Variants in CFAP70 observed in about 807,000 individuals in gnomAD.
The protein encoded by CFAP70 is cilia- and flagella-associated protein 70.
CFAP70 carries 81 observed loss-of-function variants against 137.6 expected under a neutral mutation model. The ratio of observed to expected loss-of-function variants is 0.59; its 90% CI spans 0.49 to 0.71. CFAP70 has a LOEUF of 0.71. Ranked by LOEUF, CFAP70 falls within the 30% of genes least tolerant of loss-of-function variation. CFAP70 has a pLI of 0.00. For synonymous variants in CFAP70, 382 were observed against 423.6 expected (o/e 0.90, Z 1.20); for missense variants, 976 against 1,226.7 (o/e 0.80, Z 3.05).
At chr10:73,310,047 C>G in intron 12 of CFAP70, 111 bp downstream of exon 13, 1 of 609,352 alleles carries the variant, frequency 1.6e-6, no homozygotes. Flanking sequence ...TAGAAAAAAA[C>G]CAGATAACTC....
intron 19 of CFAP70, among the ~76,000 whole-genome samples, chr10:73,284,784 AT>A (rs2047545409): frequency 5.2e-5 from 3 of 57,612 alleles, no homozygotes; most frequent in Non-Finnish European, 6.5e-5. Context: ...ATATATATAT[AT>A]ATATATATAT....
chr10:73,337,515 G>C (rs1047430593), intron 6 of CFAP70, among the ~76,000 whole-genome samples: 1 of 151,962 alleles, frequency 6.6e-6, no homozygotes, highest in African/African-American at 2.4e-5. Context: ...AATACCTTGA[G>C]ATAAAGGAAA....
At chr10:73,300,118 G>A (rs1357971236) in intron 12 of CFAP70, among the ~76,000 whole-genome samples, 2 of 152,130 alleles carry the variant, frequency 1.3e-5, no homozygotes, top group Non-Finnish European at 2.9e-5. Context: ...CAATAAAAGT[G>A]TACTCTTGGC....
intron 2 of CFAP70, 127 bp downstream of exon 2, chr10:73,354,607 A>G (rs1258475815): frequency 1.4e-6 from 1 of 730,302 alleles, no homozygotes; most frequent in African/African-American, 1.8e-5. Context: ...AATAAGGAAC[A>G]CTGAGGCGGA....
chr10:73,340,411 G>A (rs982363793), intron 6 of CFAP70, among the ~76,000 whole-genome samples: 10 of 152,228 alleles, frequency 6.6e-5, no homozygotes, highest in Admixed American at 1.3e-4. Flanking sequence ...ACTGATCCAT[G>A]GGAGGCCATG....
chr10:73,352,084 G>C (rs1407248949), intron 3 of CFAP70, among the ~76,000 whole-genome samples: 1 of 152,184 alleles, frequency 6.6e-6, no homozygotes, highest in East Asian at 1.9e-4. Context: ...TGAAAGTTCT[G>C]ACTCTAAACT....
At chr10:73,278,010 C>G (rs957648757) in intron 20 of CFAP70, among the ~76,000 whole-genome samples, 169 bp downstream of exon 21, 14 of 152,208 alleles carry the variant, frequency 9.2e-5, no homozygotes, top group Non-Finnish European at 1.8e-4. Context: ...CTTCTGTGAG[C>G]TAAATATAAA....
intron 19 of CFAP70, among the ~76,000 whole-genome samples, chr10:73,285,704 G>A (rs994978195): frequency 6.7e-6 from 1 of 148,974 alleles, no homozygotes; most frequent in Non-Finnish European, 1.5e-5. Context: ...GCACCGTGTC[G>A]GCTCACTGCA....
At chr10:73,352,986 G>T (rs891637631) in intron 3 of CFAP70, among the ~76,000 whole-genome samples, 1 of 152,196 alleles carries the variant, frequency 6.6e-6, no homozygotes, top group African/African-American at 2.4e-5. Flanking sequence ...GGCAGAAAAG[G>T]TGGTCTGTAT....
intron 9 of CFAP70, among the ~76,000 whole-genome samples, chr10:73,321,209 G>C (rs2050819278): frequency 6.6e-6 from 1 of 152,074 alleles, no homozygotes; most frequent in South Asian, 2.1e-4. Context: ...CTGAGGTCAG[G>C]AGTTTAAGAC....
intron 6 of CFAP70, 29 bp downstream of exon 7, chr10:73,341,370 T>C (rs1339282580): frequency 8.3e-6 from 13 of 1,561,958 alleles, no homozygotes; most frequent in African/African-American, 1.4e-5. Flanking sequence ...ACTAAGTTTA[T>C]CACAAAAACC....
At chr10:73,267,326 T>C (rs1000577984) in intron 25 of CFAP70, among the ~76,000 whole-genome samples, 6 of 152,212 alleles carry the variant, frequency 3.9e-5, no homozygotes, top group Non-Finnish European at 7.3e-5. Context: ...CTCTTCCATG[T>C]GGACTACTAT....
intron 13 of CFAP70, 130 bp downstream of exon 14, chr10:73,299,475 A>T: frequency 1.4e-6 from 1 of 721,070 alleles, no homozygotes. Context: ...GGAACCAGCA[A>T]TGAAAATACG....
At chr10:73,261,989 T>G (rs556543002) in intron 25 of CFAP70, among the ~76,000 whole-genome samples, 76 of 134,106 alleles carry the variant, frequency 5.7e-4, no homozygotes, top group African/African-American at 1.9e-3. Context: ...TGTATACATA[T>G]GTATATATGT....
At chr10:73,256,238 G>T in intron 26 of CFAP70, 131 bp downstream of exon 27, 1 of 1,005,520 alleles carries the variant, frequency 9.9e-7, no homozygotes, top group Non-Finnish European at 1.5e-6. Flanking sequence ...CCACGATAAT[G>T]GCAAAGATGG....
chr10:73,333,237 A>G (rs559184419), intron 7 of CFAP70, among the ~76,000 whole-genome samples: 1 of 152,318 alleles, frequency 6.6e-6, no homozygotes, highest in East Asian at 1.9e-4. Flanking sequence ...AAAGGAAGAA[A>G]AATGAAAACA....
At chr10:73,270,043 GA>G (rs2046119369) in intron 24 of CFAP70, among the ~76,000 whole-genome samples, 1 of 152,092 alleles carries the variant, frequency 6.6e-6, no homozygotes, top group South Asian at 2.1e-4. Flanking sequence ...AAATCCACAG[GA>G]ACTCACTCTC....
chr10:73,259,490 G>A (rs912835251), intron 25 of CFAP70, among the ~76,000 whole-genome samples: 2 of 151,990 alleles, frequency 1.3e-5, no homozygotes, highest in East Asian at 3.9e-4. Flanking sequence ...TTGAGACAGG[G>A]TCTGGCTCTG....
intron 6 of CFAP70, among the ~76,000 whole-genome samples, chr10:73,339,325 C>A (rs2053019102): frequency 6.6e-6 from 1 of 152,188 alleles, no homozygotes; most frequent in Non-Finnish European, 1.5e-5. Flanking sequence ...ATGCTTCTGT[C>A]TCTGGGTCTT....
Sources: gnomAD v4.1 joint callset for allele counts (sites outside exome capture counted in the v4.1 genomes callset) on GRCh38, gnomAD v4.1.1 for gene constraint, MANE v1.5 for transcripts, NCBI Gene and HGNC (gene_info 2026-07-23, HGNC 2026-07-21) for gene names.